ZNF462: variants seen among roughly 807,000 people sequenced by gnomAD.
ZNF462 encodes the protein zinc finger PBX1-interacting protein.
In ZNF462, 10 loss-of-function variants were observed where a neutral mutation model predicts 201.9. That is an observed-to-expected ratio of 0.05 (90% CI 0.03 to 0.08). The LOEUF is 0.08. Ranked by LOEUF, ZNF462 falls within the 10% of genes least tolerant of loss-of-function variation. The pLI is 1.00. For synonymous variants in ZNF462, 1,227 were observed against 1,193.3 expected, an observed-to-expected ratio of 1.03 and a Z score of -0.58; for missense variants, 2,523 against 3,168.3, an observed-to-expected ratio of 0.80 and a Z score of 4.89.
rs1427585002 is a variant in ZNF462 at position 107,009,690 on chromosome 9, A to G, written c.7313+22A>G. The G allele has an allele frequency of 9.4e-7, 1 of 1,064,428 alleles. No homozygotes were observed. Among genetic ancestry groups the G allele is most frequent in the East Asian group, 4.9e-5 (1 of 20,586 alleles). The allele number at this position is 1,064,428 out of a possible 1,614,324, so 65.9% of individuals were successfully genotyped here. On this transcript the variant is annotated intron_variant, in intron 12 of 12. Coordinates refer to ENST00000277225, the MANE Select transcript of ZNF462 (RefSeq NM_021224.6). The surrounding 1 kb of genome is among the most constrained non-coding windows in gnomAD (Gnocchi z 6.1). ...GCATGTAAGTTGGGCCACTTCAAGG[A>G]TGCCTTTGTCCAAAGCAAGAGGTAG...
intron 1 of ZNF462, among the ~76,000 whole-genome samples, chr9:106,908,884 A>C (rs1470218144): frequency 2.4e-5 from 3 of 127,590 alleles, no homozygotes; most frequent in Non-Finnish European, 4.8e-5. Flanking sequence ...CCTGCTGTGA[A>C]AGTTGAGAAT....
At chr9:106,982,967 GACTTAATAAT>G (rs1217719729) in intron 9 of ZNF462, among the ~76,000 whole-genome samples, 2 of 152,140 alleles carry the variant, frequency 1.3e-5, no homozygotes, top group Non-Finnish European at 2.9e-5. Context: ...ATGCTTTCTT[GACTTAATAAT>G]ACATTGCTGT....
chr9:106,974,778 C>T lies in ZNF462; in HGVS notation c.6832+505C>T, dbSNP rs1052589408. The T allele has an allele frequency of 1.9e-5, 3 of 159,148 alleles. No homozygotes were observed. The highest frequency in any genetic ancestry group is 7.2e-5 in the African/African-American group (3 of 41,450). The allele number at this position is 159,148 out of a possible 1,614,324, so 9.9% of individuals were successfully genotyped here. On this transcript the variant is annotated intron_variant, in intron 9 of 12. Coordinates refer to ENST00000277225, the MANE Select transcript of ZNF462 (RefSeq NM_021224.6). The surrounding 1 kb of genome is among the most constrained non-coding windows in gnomAD (Gnocchi z 4.0). The stretch of plus-strand genomic sequence containing the variant: ...ATATTATACATTCTAATAATAGTCT[C>T]TATTATATATTCTAATAATAATTAG...
chr9:106,901,052 T>C (rs1287169525), intron 1 of ZNF462, among the ~76,000 whole-genome samples: 1 of 152,168 alleles, frequency 6.6e-6, no homozygotes, highest in Non-Finnish European at 1.5e-5. Context: ...CCATCTTGAG[T>C]TGATTTTTGT....
intron 11 of ZNF462, among the ~76,000 whole-genome samples, chr9:107,007,019 G>A (rs997260648): frequency 6.6e-6 from 1 of 151,850 alleles, no homozygotes. Flanking sequence ...TAACATCTCT[G>A]CACTGTTACC....
intron 1 of ZNF462, among the ~76,000 whole-genome samples, chr9:106,915,961 G>A (rs1829755442): frequency 6.6e-6 from 1 of 152,168 alleles, no homozygotes; most frequent in South Asian, 2.1e-4. Flanking sequence ...GGCAGGCTCA[G>A]AATCATTCTC....
In ZNF462 at chr9:106,870,880, G is replaced by T. The variant is rs917792958; in HGVS notation, c.-31+7525G>T. Among the ~76,000 whole-genome samples the T allele has an allele frequency of 6.6e-6, 1 of 152,114 alleles. No homozygotes were observed. On this transcript the variant is annotated intron_variant, in intron 1 of 12. Coordinates refer to ENST00000277225, the MANE Select transcript of ZNF462 (RefSeq NM_021224.6). This position sits in a 1 kb window ranked among gnomAD's most constrained non-coding sequence, Gnocchi z 4.3. The stretch of plus-strand genomic sequence containing the variant: ...TCTGAGCAGTTGAACCAGAACACAC[G>T]CTAAGGCCTCCAAATTTTGGAATTC...
rs559322170 is a variant in ZNF462, at chr9:106,930,451, G to A, written c.5848-74G>A. ...ATCGGCTTTAAAATAAAGTATGTTA[G>A]TAAACTGCAAGAATAAATTCTGACA... On this transcript the variant is annotated intron_variant, in intron 3 of 12. Coordinates refer to ENST00000277225, the MANE Select transcript of ZNF462 (RefSeq NM_021224.6). This position sits in a 1 kb window ranked among gnomAD's most constrained non-coding sequence, Gnocchi z 5.8. 1.0e-4 allele frequency: 157 copies of A among 1,571,624 alleles called. No individual in the cohort carries two copies. In the African/African-American group the frequency reaches 1.7e-3, roughly 17 times the overall value.
At chr9:106,906,705 C>T (rs1000186443) in intron 1 of ZNF462, among the ~76,000 whole-genome samples, 13 of 152,118 alleles carry the variant, frequency 8.5e-5, no homozygotes, top group Admixed American at 5.9e-4. Flanking sequence ...TCAGTCACCC[C>T]AGTTGTTTTA....
At chr9:106,900,365 G>T (rs999190739) in intron 1 of ZNF462, among the ~76,000 whole-genome samples, 1 of 151,850 alleles carries the variant, frequency 6.6e-6, no homozygotes, top group Admixed American at 6.6e-5. Context: ...TATCTTTTTC[G>T]AATAATGACT....
At chr9:106,955,759 C>T (rs765235348) in intron 7 of ZNF462, among the ~76,000 whole-genome samples, 13 of 152,140 alleles carry the variant, frequency 8.5e-5, no homozygotes, top group Non-Finnish European at 8.8e-5. Context: ...CAACAGTGTT[C>T]GCAACATCTT....
chr9:106,930,799 C>T lies in ZNF462; in HGVS notation c.6012+110C>T. 7.6e-7 allele frequency: 1 copy of T among 1,307,862 alleles called. No homozygotes were observed. The highest frequency in any genetic ancestry group is 1.1e-6 in the Non-Finnish European group (1 of 950,408). The allele number at this position is 1,307,862 out of a possible 1,614,324, so 81.0% of individuals were successfully genotyped here. A position where few individuals can be genotyped will look rare whatever the true frequency, so the allele number is the denominator to read the frequency against. The stretch of plus-strand genomic sequence containing the variant: ...AGAGCATCTCAGAATGCGGGCATTC[C>T]TGAATTATGCTTGGATTGGTTTGGC... On this transcript the variant is annotated intron_variant, in intron 4 of 12. Coordinates refer to ENST00000277225, the MANE Select transcript of ZNF462 (RefSeq NM_021224.6). The surrounding 1 kb of genome is among the most constrained non-coding windows in gnomAD (Gnocchi z 5.8).
rs1264648698 is a variant in ZNF462 at position 107,003,394 on chromosome 9, A to C, written c.7157A>C (p.Glu2386Ala). The change falls in exon 11 of 13, where the codon GAA becomes GCA. Residue 2386 changes from glutamate to alanine, a missense_variant. Glu to Ala is a moderately radical substitution (Grantham distance 107). Around this residue, in one of 15 missense-constraint regions of ZNF462, gnomAD observed 228 missense variants for 361.2 expected, o/e 0.63. Coordinates refer to ENST00000277225, the MANE Select transcript of ZNF462 (RefSeq NM_021224.6). This position sits in a 1 kb window ranked among gnomAD's most constrained non-coding sequence, Gnocchi z 4.4. The stretch of plus-strand genomic sequence containing the variant: ...TCCAGCAGCGATGATGAGGACAAGG[A>C]AGAAGAAATGAACAGCAAGGCTGAA... The part of the protein sequence containing the change: ...ESSSSDDEDK[E>A]EEMNSKAEDR... The C allele has an allele frequency of 3.1e-6, 5 of 1,613,832 alleles. No individual in the cohort carries two copies. The highest frequency in any genetic ancestry group is 3.4e-6 in the Non-Finnish European group (4 of 1,179,826).
In ZNF462 at chr9:106,950,049, T is replaced by G. The variant is rs928298184; in HGVS notation, c.6427+10942T>G. On this transcript the variant is annotated intron_variant, in intron 7 of 12. Coordinates refer to ENST00000277225, the MANE Select transcript of ZNF462 (RefSeq NM_021224.6). This position sits in a 1 kb window ranked among gnomAD's most constrained non-coding sequence, Gnocchi z 4.1. ...AGGGGCTTTCTCCAGCATCCTGGTT[T>G]CTCTCGTCCCCTCGTCCTCTGGTTT... Among the ~76,000 whole-genome samples, 119 of 152,310 alleles carry G rather than the reference T, an allele frequency of 7.8e-4. 1 individual carries two copies. Among genetic ancestry groups the G allele is most frequent in the African/African-American group, 2.8e-3 (116 of 41,568 alleles).
Position 106,895,688 on chromosome 9 carries a change from T to C in ZNF462, c.-30-27666T>C, listed in dbSNP as rs1195490728. Reference sequence around the variant, plus strand: ...TAGTCCCATTATACAGGTCAGGAAGTTGGAGGTCCTGTTGTCTTTCTTTGC... The same window carrying C: ...TAGTCCCATTATACAGGTCAGGAAGCTGGAGGTCCTGTTGTCTTTCTTTGC... On this transcript the variant is annotated intron_variant, in intron 1 of 12. Transcript: ENST00000277225. This position sits in a 1 kb window ranked among gnomAD's most constrained non-coding sequence, Gnocchi z 4.4. 6.6e-6 allele frequency among the ~76,000 whole-genome samples: 1 copy of C among 152,218 alleles called. No individual in the cohort carries two copies.
intron 1 of ZNF462, among the ~76,000 whole-genome samples, chr9:106,869,761 A>T (rs1827507441): frequency 6.6e-6 from 1 of 152,244 alleles, no homozygotes. Flanking sequence ...AAGGAAGAAA[A>T]AAAAGTTTGG....
At chr9:106,955,513 G>A (rs1337737402) in intron 7 of ZNF462, among the ~76,000 whole-genome samples, 4 of 152,148 alleles carry the variant, frequency 2.6e-5, no homozygotes. Context: ...TGGTTGCTGA[G>A]GATTGGGAGT....
chr9:106,971,902 G>C (rs372414262), intron 7 of ZNF462, 103 bp from the exon 8 acceptor site: 1 of 1,414,372 alleles, frequency 7.1e-7, no homozygotes, highest in Non-Finnish European at 9.5e-7. Context: ...TTATACCTTA[G>C]TAAAGCTGGA....
At chr9:106,896,315 T>G (rs767704958) in intron 1 of ZNF462, among the ~76,000 whole-genome samples, 4 of 152,192 alleles carry the variant, frequency 2.6e-5, no homozygotes, top group Non-Finnish European at 4.4e-5. Context: ...TAAATATTTG[T>G]TTTTGGCTCA....
Sources: allele counts gnomAD v4.1 joint callset (sites outside exome capture counted in the v4.1 genomes callset), GRCh38; gene constraint gnomAD v4.1.1; regional missense constraint gnomAD v4.1.1; non-coding constraint Gnocchi (gnomAD v3.1); transcripts MANE v1.5; gene names NCBI Gene and HGNC (gene_info 2026-07-23, HGNC 2026-07-21).